FZD6: variants seen among roughly 807,000 people sequenced by gnomAD.
The protein encoded by FZD6 is frizzled-6.
Under a neutral mutation model 61.4 loss-of-function variants are expected in FZD6, and 49 were observed. That is an observed-to-expected ratio of 0.80 (90% CI 0.63 to 1.01). FZD6 has a LOEUF of 1.01. Among genes scored for constraint, FZD6 ranks in the 50% least tolerant of loss-of-function variants. The pLI, the probability that FZD6 is intolerant of heterozygous loss-of-function variation, is 0.00. For missense variants in FZD6, 724 were observed against 848.2 expected (o/e 0.85, Z 1.82); for synonymous variants, 265 against 292.2 (o/e 0.91, Z 0.95).
chr8:103,327,956 T>C (rs1220478660), intron 4 of FZD6, among the ~76,000 whole-genome samples: 2 of 152,116 alleles, frequency 1.3e-5, no homozygotes, highest in Non-Finnish European at 2.9e-5. Flanking sequence ...AGGCAAATAT[T>C]CTGGCAATTA....
At chr8:103,322,323 C>T (rs950407411) in intron 3 of FZD6, among the ~76,000 whole-genome samples, 65 of 149,464 alleles carry the variant, frequency 4.3e-4, no homozygotes, top group African/African-American at 1.5e-3. Context: ...TTGCTTGAGT[C>T]CAGGAAATCA....
intron 5 of FZD6, 121 bp from the exon 6 acceptor site, chr8:103,329,534 T>C: frequency 3.0e-6 from 2 of 657,480 alleles, no homozygotes; most frequent in Non-Finnish European, 5.2e-6. Context: ...ATATAAACCA[T>C]AGAATTTTCA....
intron 3 of FZD6, among the ~76,000 whole-genome samples, chr8:103,319,365 C>T (rs1814718083): frequency 6.6e-6 from 1 of 152,272 alleles, no homozygotes; most frequent in Non-Finnish European, 1.5e-5. Flanking sequence ...GAGAGAGAAG[C>T]AGCAGTCAGA....
chr8:103,319,583 G>C (rs1430529888), intron 3 of FZD6, among the ~76,000 whole-genome samples: 2 of 152,168 alleles, frequency 1.3e-5, no homozygotes, highest in Admixed American at 6.5e-5. Flanking sequence ...AGGTGGATGG[G>C]AGAGAGAAGG....
At chr8:103,309,002 G>A (rs982285769) in intron 2 of FZD6, among the ~76,000 whole-genome samples, 2 of 152,160 alleles carry the variant, frequency 1.3e-5, no homozygotes, top group African/African-American at 4.8e-5. Context: ...TGTGAAGTCG[G>A]TGATATGTTT....
chr8:103,313,934 C>T (rs1045491004), intron 2 of FZD6, among the ~76,000 whole-genome samples: 1 of 152,102 alleles, frequency 6.6e-6, no homozygotes, highest in African/African-American at 2.4e-5. Context: ...TTCTATGCCC[C>T]CATTTCCAAA....
Position 103,324,558 on chromosome 8 carries a change from A to T in FZD6, c.452A>T (p.Glu151Val), listed in dbSNP as rs1310126701. 2 of 1,612,960 alleles carry T rather than the reference A, an allele frequency of 1.2e-6. No homozygotes were observed. The highest frequency in any genetic ancestry group is 2.7e-5 in the African/African-American group (2 of 74,908). The change falls in exon 4 of 7, where the codon GAA becomes GTA. Residue 151 changes from glutamate to valine, a missense_variant. By Grantham distance (121) the Glu-to-Val change is moderately radical. Coordinates refer to ENST00000358755, the MANE Select transcript of FZD6 (RefSeq NM_003506.4). Reference sequence around the variant, plus strand: ...TTTCTTGGTCCTCAGAAGAAAACAGAACAAGTCCAAAGAGACATTGGATTT... The same window carrying T: ...TTTCTTGGTCCTCAGAAGAAAACAGTACAAGTCCAAAGAGACATTGGATTT... ...TEFLGPQKKT[E>V]QVQRDIGFWC...
chr8:103,321,125 C>T (rs1056348996), intron 3 of FZD6, among the ~76,000 whole-genome samples: 7 of 152,186 alleles, frequency 4.6e-5, no homozygotes, highest in African/African-American at 1.7e-4. Context: ...AAAAAATTTA[C>T]ACTGGCACCT....
chr8:103,301,682 C>T (rs1490231474), intron 2 of FZD6, among the ~76,000 whole-genome samples: 1 of 152,128 alleles, frequency 6.6e-6, no homozygotes, highest in African/African-American at 2.4e-5. Flanking sequence ...GCTAGGATTA[C>T]AGGCGCGAGC....
intron 2 of FZD6, among the ~76,000 whole-genome samples, chr8:103,301,422 T>C (rs1289566273): frequency 6.6e-6 from 1 of 152,226 alleles, no homozygotes; most frequent in Non-Finnish European, 1.5e-5. Flanking sequence ...ATATGAAGTA[T>C]ATAGTGAGAA....
At position 103,332,602 on chromosome 8, in the gene FZD6, A is replaced by G. The variant is rs1202548005; in HGVS notation, c.*1093A>G. On this transcript the variant is annotated 3_prime_UTR_variant, in exon 7 of 7. Transcript: ENST00000358755. ...ACAACGTTTTTATACAACATACTTTAAAATATTAAGGAGTTTTCTTAATTT... is the reference window on the plus strand; with the variant it reads ...ACAACGTTTTTATACAACATACTTTGAAATATTAAGGAGTTTTCTTAATTT... 6.6e-6 allele frequency: 1 copy of G among 152,592 alleles called. No individual in the cohort carries two copies. The highest frequency in any genetic ancestry group is 1.5e-5 in the Non-Finnish European group (1 of 68,020). 9.5% of individuals were successfully genotyped at this position (152,592 alleles called of 1,614,324 possible).
At chr8:103,310,263 T>G (rs1814456037) in intron 2 of FZD6, among the ~76,000 whole-genome samples, 1 of 151,778 alleles carries the variant, frequency 6.6e-6, no homozygotes, top group Non-Finnish European at 1.5e-5. Flanking sequence ...TTTTGTCCTT[T>G]TGTGTGTGTG....
At position 103,300,003 on chromosome 8, in the gene FZD6, T is replaced by C. The variant is rs1341314913; in HGVS notation, c.-105T>C. 2.9e-5 allele frequency: 22 copies of C among 766,476 alleles called. No individual in the cohort carries two copies. The highest frequency in any genetic ancestry group is 5.1e-5 in the Non-Finnish European group (22 of 432,252). 47.5% of individuals were successfully genotyped at this position (766,476 alleles called of 1,614,324 possible). ...CAGGAAAGCCTGAAAATGAGTAAAA[T>C]AGTGAAATGAGGAATTTGAACATTT... On this transcript the variant is annotated 5_prime_UTR_variant, in exon 2 of 7. Transcript: ENST00000358755.
At chr8:103,300,841 T>C (rs923841322) in intron 2 of FZD6, among the ~76,000 whole-genome samples, 1 of 152,188 alleles carries the variant, frequency 6.6e-6, no homozygotes, top group African/African-American at 2.4e-5. Flanking sequence ...AGATACTTGT[T>C]AAAAGAAACC....
At chr8:103,301,710 C>G (rs1814177050) in intron 2 of FZD6, among the ~76,000 whole-genome samples, 1 of 152,006 alleles carries the variant, frequency 6.6e-6, no homozygotes, top group East Asian at 1.9e-4. Flanking sequence ...CCTGGCTGAC[C>G]ATTTTAAGTT....
chr8:103,324,715 A>G lies in FZD6; in HGVS notation c.609A>G (p.Gly203=). 2 of 1,614,084 alleles carry G rather than the reference A, an allele frequency of 1.2e-6. No individual in the cohort carries two copies. Among genetic ancestry groups the G allele is most frequent in the African/African-American group, 2.7e-5 (2 of 75,038 alleles). ...DELEFAKSFI[G]TVSIFCLCAT... The stretch of plus-strand genomic sequence containing the variant: ...TAGAGTTTGCAAAAAGTTTTATTGG[A>G]ACAGTTTCAATATTTTGTCTTTGTG... Residue 203 remains glycine, a synonymous_variant, in exon 4 of 7, where the codon GGA becomes GGG. Transcript: ENST00000358755.
At chr8:103,299,249 C>T (rs955155638) in intron 1 of FZD6, among the ~76,000 whole-genome samples, 2 of 152,224 alleles carry the variant, frequency 1.3e-5, no homozygotes, top group African/African-American at 4.8e-5. Context: ...GGGGCAGGTT[C>T]CCGGGTGTGG....
chr8:103,308,649 A>C lies in FZD6; in HGVS notation c.177+8365A>C, dbSNP rs184160795. ...AGGTGTGTTTTAAGGAAAGAATTAT[A>C]ATATGGCAGAAGCAGGCATTCTGAG... is the stretch of plus-strand genomic sequence containing the variant. On this transcript the variant is annotated intron_variant, in intron 2 of 6. Coordinates refer to ENST00000358755, the MANE Select transcript of FZD6 (RefSeq NM_003506.4). Among the ~76,000 whole-genome samples, 300 of 152,300 alleles carry C rather than the reference A, an allele frequency of 2.0e-3. 4 individuals are homozygous for C. The highest frequency in any genetic ancestry group is 5.1e-4 in the Non-Finnish European group (35 of 68,040).
chr8:103,329,472 A>C (rs557032400), intron 5 of FZD6, among the ~76,000 whole-genome samples, 183 bp from the exon 6 acceptor site: 122 of 152,274 alleles, frequency 8.0e-4, no homozygotes, highest in African/African-American at 2.9e-3. Context: ...TATACACAAA[A>C]GATTTTATAA....
Sources: allele counts gnomAD v4.1 joint callset (sites outside exome capture counted in the v4.1 genomes callset), GRCh38; gene constraint gnomAD v4.1.1; transcripts MANE v1.5; gene names NCBI Gene and HGNC (gene_info 2026-07-23, HGNC 2026-07-21).